CAMK2G: variants seen among roughly 807,000 people sequenced by gnomAD.
CAMK2G encodes calcium/calmodulin-dependent protein kinase type II subunit gamma.
In CAMK2G, 23 loss-of-function variants were observed where a neutral mutation model predicts 88.7. The ratio of observed to expected loss-of-function variants is 0.26; its 90% CI spans 0.19 to 0.37. The LOEUF (loss-of-function observed/expected upper bound fraction) is 0.37. CAMK2G is among the 10% of genes least tolerant of loss of function. CAMK2G has a pLI of 1.00. For synonymous variants in CAMK2G, 263 were observed against 294.8 expected (o/e 0.89, Z 1.11); for missense variants, 476 against 780.8 (o/e 0.61, Z 4.65).
chr10:73,873,920 G>A (rs1204451329), intron 1 of CAMK2G, among the ~76,000 whole-genome samples: 2 of 143,442 alleles, frequency 1.4e-5, no homozygotes, highest in African/African-American at 5.2e-5. Context: ...CGCGGGGCTG[G>A]GAGCCTGGAG....
At chr10:73,814,877 G>T (rs2084915987) in intron 22 of CAMK2G, 126 bp downstream of exon 22, 8 of 638,140 alleles carry the variant, frequency 1.3e-5, no homozygotes, top group Non-Finnish European at 2.2e-5. Flanking sequence ...ATTCTGCCAG[G>T]CTTTGCCAGT....
chr10:73,873,574 C>G (rs532694258), intron 1 of CAMK2G: 9 of 988,204 alleles, frequency 9.1e-6, no homozygotes, highest in African/African-American at 8.7e-5. Context: ...CTCAAACCCC[C>G]CCACAGCCGG....
chr10:73,861,367 T>G (rs1315849007), intron 2 of CAMK2G, among the ~76,000 whole-genome samples: 4 of 152,186 alleles, frequency 2.6e-5, no homozygotes, highest in Non-Finnish European at 5.9e-5. Flanking sequence ...TCTCTTTTTT[T>G]CTTTCTGAGA....
intron 13 of CAMK2G, among the ~76,000 whole-genome samples, chr10:73,837,748 C>T (rs1012307654): frequency 3.3e-5 from 5 of 152,102 alleles, no homozygotes; most frequent in South Asian, 2.1e-4. Context: ...CATGGATGCA[C>T]GACACTTAGA....
chr10:73,841,265 A>G (rs2093759195), intron 12 of CAMK2G, among the ~76,000 whole-genome samples: 1 of 152,018 alleles, frequency 6.6e-6, no homozygotes, highest in Non-Finnish European at 1.5e-5. Flanking sequence ...CCCCCTTTCC[A>G]TGGTGGTGCA....
Position 73,842,010 on chromosome 10 carries a change from TC to T in CAMK2G, c.946+158del. 1 of 686,506 alleles carries T rather than the reference TC, an allele frequency of 1.5e-6. No homozygotes were observed. The highest frequency in any genetic ancestry group is 1.7e-5 in the South Asian group (1 of 59,998). 42.5% of individuals were successfully genotyped at this position (686,506 alleles called of 1,614,324 possible). A position where few individuals can be genotyped will look rare whatever the true frequency, so the allele number is the denominator to read the frequency against. ...GCCCCCTGAATCTCAGGAGCAGGAC[TC>T]AGCAGCAGCAGCAGCCCCTCAAAAC... is the stretch of plus-strand genomic sequence containing the variant. On this transcript the variant is annotated intron_variant, in intron 12 of 22. Coordinates refer to ENST00000423381, the MANE Select transcript of CAMK2G (RefSeq NM_001367534.1). The surrounding 1 kb of genome is among the most constrained non-coding windows in gnomAD (Gnocchi z 4.6).
intron 13 of CAMK2G, among the ~76,000 whole-genome samples, chr10:73,838,987 G>C (rs752475299): frequency 2.0e-5 from 3 of 152,196 alleles, no homozygotes; most frequent in Non-Finnish European, 4.4e-5. Context: ...CCCCATTGGA[G>C]AGGTGAGGAA....
chr10:73,873,206 C>T, intron 1 of CAMK2G, 123 bp from the exon 2 acceptor site: 1 of 956,414 alleles, frequency 1.0e-6, no homozygotes, highest in Non-Finnish European at 1.7e-6. Context: ...CGTACATGCA[C>T]ACACACCGGC....
intron 9 of CAMK2G, 62 bp downstream of exon 9, chr10:73,847,926 G>A: frequency 3.5e-6 from 3 of 859,686 alleles, no homozygotes; most frequent in South Asian, 2.7e-5. Context: ...CCCTTGGACA[G>A]AGCCCGAGGA....
At chr10:73,836,275 G>A (rs1825095336) in intron 14 of CAMK2G, among the ~76,000 whole-genome samples, 1 of 152,168 alleles carries the variant, frequency 6.6e-6, no homozygotes, top group Non-Finnish European at 1.5e-5. Context: ...CACTAGCAGC[G>A]CTCAGCTGAC....
At position 73,853,198 on chromosome 10, in the gene CAMK2G, A is replaced by G; in HGVS notation, c.269T>C (p.Phe90Ser). ...ISEEGFHYLV[F>S]DLVTGGELFE... The stretch of plus-strand genomic sequence containing the variant: ...CTCAGAAAGTGGCACTTACAGGTCA[A>G]ACACGAGGTAGTGAAACCCTTCTTC... Residue 90 changes from phenylalanine (F) to serine (S), a missense_variant, in exon 4 of 23, where the codon TTT becomes TCT. Physicochemically the swap from Phe to Ser is radical, Grantham distance 155. Around this residue, in one of 3 missense-constraint regions of CAMK2G, gnomAD observed 164 missense variants for 385.6 expected, o/e 0.43. Transcript: ENST00000423381. 1.2e-6 allele frequency: 2 copies of G among 1,614,080 alleles called. No individual in the cohort carries two copies. The highest frequency in any genetic ancestry group is 3.3e-5 in the Admixed American group (2 of 60,030).
intron 2 of CAMK2G, among the ~76,000 whole-genome samples, chr10:73,868,518 A>G (rs1044694056): frequency 6.6e-6 from 1 of 152,202 alleles, no homozygotes; most frequent in African/African-American, 2.4e-5. Flanking sequence ...GAGGCGCTCC[A>G]TCACTGATAT....
rs747087502 is a variant in CAMK2G at position 73,817,452 on chromosome 10, C to G, written c.1439+27G>C. 16 of 1,499,786 alleles carry G rather than the reference C, an allele frequency of 1.1e-5. No homozygotes were observed. In the South Asian group the frequency reaches 1.8e-4, roughly 17 times the overall value. The allele number at this position is 1,499,786 out of a possible 1,614,324, so 92.9% of individuals were successfully genotyped here. On this transcript the variant is annotated intron_variant, in intron 20 of 22. Transcript: ENST00000423381. ...GAAGGCCTTGGGAGATGACTTAGGT[C>G]ACAAAAAAAAATGGGTCTCTACTTA... is the stretch of plus-strand genomic sequence containing the variant.
chr10:73,829,549 C>T (rs781689389), intron 14 of CAMK2G, among the ~76,000 whole-genome samples: 8 of 152,052 alleles, frequency 5.3e-5, no homozygotes, highest in African/African-American at 9.7e-5. Context: ...ATCCACCTAC[C>T]TCGGCCTCCC....
chr10:73,856,584 T>C (rs1386647251), intron 3 of CAMK2G, among the ~76,000 whole-genome samples: 1 of 152,190 alleles, frequency 6.6e-6, no homozygotes, highest in Non-Finnish European at 1.5e-5. Context: ...AGCACAACTG[T>C]GTCATGCTGT....
Position 73,828,181 on chromosome 10 carries a change from C to G in CAMK2G, c.1054-60G>C, listed in dbSNP as rs2091591543. On this transcript the variant is annotated intron_variant, in intron 14 of 22. Coordinates refer to ENST00000423381, the MANE Select transcript of CAMK2G (RefSeq NM_001367534.1). ...GAAAGAGGAGGTAAGAAGAGAAGCA[C>G]AGAGACGCTGCAGGTTAGCGCACCA... 3 of 1,407,032 alleles carry G rather than the reference C, an allele frequency of 2.1e-6. No homozygotes were observed. The South Asian group carries it at 3.5e-5, about 16-fold the overall frequency. 87.2% of individuals were successfully genotyped at this position (1,407,032 alleles called of 1,614,324 possible). A position where few individuals can be genotyped will look rare whatever the true frequency, so the allele number is the denominator to read the frequency against.
At chr10:73,874,326 G>T (rs1399471493) in intron 1 of CAMK2G, 71 bp downstream of exon 1, 26 of 1,096,242 alleles carry the variant, frequency 2.4e-5, no homozygotes, top group Non-Finnish European at 3.2e-5. Flanking sequence ...GCAGGGCCGG[G>T]GGGCGGGGCG....
intron 17 of CAMK2G, 29 bp from the exon 18 acceptor site, chr10:73,821,759 A>G: frequency 6.3e-7 from 1 of 1,588,524 alleles, no homozygotes; most frequent in Admixed American, 1.7e-5. Flanking sequence ...ATGTTTCTAT[A>G]TGCTCCATCC....
At chr10:73,818,568 C>T (rs925103985) in intron 19 of CAMK2G, 4 of 398,946 alleles carry the variant, frequency 1.0e-5, no homozygotes, top group East Asian at 1.4e-4. Flanking sequence ...ACGGCCCAGC[C>T]GGGCCAGCAC....
Sources: allele counts gnomAD v4.1 joint callset (sites outside exome capture counted in the v4.1 genomes callset), GRCh38; gene constraint gnomAD v4.1.1; regional missense constraint gnomAD v4.1.1; non-coding constraint Gnocchi (gnomAD v3.1); transcripts MANE v1.5; gene names NCBI Gene and HGNC (gene_info 2026-07-23, HGNC 2026-07-21).